Variants in SMG6 observed in about 807,000 individuals in gnomAD.
SMG6 encodes the protein telomerase-binding protein EST1A.
A neutral mutation model predicts 142.2 loss-of-function variants in SMG6; 66 were observed. That is an observed-to-expected ratio of 0.46 (90% CI 0.38 to 0.57). SMG6 has a LOEUF of 0.57. SMG6 is among the 20% of genes least tolerant of loss of function. The pLI is 0.00. For missense variants in SMG6, 1,793 were observed against 1,832.0 expected, an observed-to-expected ratio of 0.98 and a Z score of 0.39; for synonymous variants, 779 against 702.4, an observed-to-expected ratio of 1.11 and a Z score of -1.72.
intron 12 of SMG6, among the ~76,000 whole-genome samples, chr17:2,185,458 A>G (rs1317813471): frequency 1.3e-5 from 2 of 152,196 alleles, no homozygotes; most frequent in African/African-American, 4.8e-5. Flanking sequence ...GAACTTAGAA[A>G]TAGTTAAGAT....
At chr17:2,241,751 C>T (rs1008726355) in intron 9 of SMG6, among the ~76,000 whole-genome samples, 11 of 152,084 alleles carry the variant, frequency 7.2e-5, no homozygotes, top group African/African-American at 2.2e-4. Flanking sequence ...AAATATGTGT[C>T]AAAATATAAG....
intron 13 of SMG6, among the ~76,000 whole-genome samples, chr17:2,129,356 C>T (rs1023752388): frequency 6.6e-6 from 1 of 151,888 alleles, no homozygotes; most frequent in Non-Finnish European, 1.5e-5. Context: ...CCCATATAAA[C>T]AGGTTAAAAA....
rs2074792366 is a variant in SMG6 at position 2,281,795 on chromosome 17, G to T, written c.2661+852C>A. Among the ~76,000 whole-genome samples the T allele has an allele frequency of 3.3e-5, 5 of 152,200 alleles. No homozygotes were observed. The South Asian group carries it at 1.0e-3, about 32-fold the overall frequency. ...ACTGGGTGAATTTTACCCTTAAGGCGCAACGAACCAGCCACTGCAGTTTTC... is the reference window on the plus strand; with the variant it reads ...ACTGGGTGAATTTTACCCTTAAGGCTCAACGAACCAGCCACTGCAGTTTTC... On this transcript the variant is annotated intron_variant, in intron 8 of 18. Coordinates refer to ENST00000263073, the MANE Select transcript of SMG6 (RefSeq NM_017575.5).
intron 2 of SMG6, 128 bp downstream of exon 2, chr17:2,298,778 C>G (rs1400884972): frequency 1.2e-6 from 1 of 848,124 alleles, no homozygotes; most frequent in East Asian, 2.5e-5. Flanking sequence ...CTGCCCTTCC[C>G]TTACAACGTG....
intron 6 of SMG6, among the ~76,000 whole-genome samples, chr17:2,291,323 T>A (rs1313392480): frequency 6.8e-6 from 1 of 147,696 alleles, no homozygotes; most frequent in Non-Finnish European, 1.5e-5. Context: ...AGAGCGAGAC[T>A]CCGTCTCAGA....
intron 10 of SMG6, chr17:2,232,562 T>C (rs768078945): frequency 7.2e-5 from 11 of 152,248 alleles, no homozygotes; most frequent in Non-Finnish European, 1.5e-4. Flanking sequence ...CCAGGCCCTA[T>C]GCCAAGGCCC....
rs575377599 is a variant in SMG6 at position 2,255,321 on chromosome 17, G to A, written c.2662-10602C>T. ...CGGGAGGCTGAGGCAGGAGAATGGC[G>A]TGAACCCGGGAGGCGGAGCTTGCAG... On this transcript the variant is annotated intron_variant, in intron 8 of 18. Transcript: ENST00000263073. Among the ~76,000 whole-genome samples the A allele has an allele frequency of 3.7e-3, 527 of 144,258 alleles. 2 individuals carry two copies. The highest frequency in any genetic ancestry group is 0.012 in the African/African-American group (478 of 39,620). 94.6% of individuals were successfully genotyped at this position (144,258 alleles called of 152,430 possible).
chr17:2,176,043 A>G (rs2071644340), intron 12 of SMG6, among the ~76,000 whole-genome samples: 1 of 152,216 alleles, frequency 6.6e-6, no homozygotes, highest in South Asian at 2.1e-4. Flanking sequence ...TCAAAGGAAG[A>G]GGTGCTTTGA....
At chr17:2,191,332 CCCA>C (rs2072155545) in intron 10 of SMG6, among the ~76,000 whole-genome samples, 1 of 152,148 alleles carries the variant, frequency 6.6e-6, no homozygotes, top group Admixed American at 6.5e-5. Flanking sequence ...CATCTAGATT[CCCA>C]GAGTCCACCC....
chr17:2,271,942 C>G (rs1030188148), intron 8 of SMG6, among the ~76,000 whole-genome samples: 2 of 152,116 alleles, frequency 1.3e-5, no homozygotes, highest in African/African-American at 2.4e-5. Context: ...CAATCTCCAC[C>G]CTACCAAATT....
intron 8 of SMG6, among the ~76,000 whole-genome samples, chr17:2,261,245 C>T (rs1381710140): frequency 1.3e-5 from 2 of 151,296 alleles, no homozygotes; most frequent in Non-Finnish European, 2.9e-5. Context: ...ACCCGGGAGG[C>T]GGAGCTTGCA....
At chr17:2,283,764 C>A in intron 6 of SMG6, 29 bp from the exon 7 acceptor site, 2 of 1,574,576 alleles carry the variant, frequency 1.3e-6, no homozygotes, top group South Asian at 2.2e-5. Context: ...GACATTCAGT[C>A]AACCAATTCT....
intron 13 of SMG6, among the ~76,000 whole-genome samples, chr17:2,091,928 C>T (rs1456995603): frequency 2.0e-5 from 3 of 151,732 alleles, no homozygotes; most frequent in Admixed American, 1.3e-4. Context: ...GTGATCCGCC[C>T]GCCTTGGCCA....
At chr17:2,083,380 C>T (rs556399933) in intron 14 of SMG6, among the ~76,000 whole-genome samples, 4 of 152,248 alleles carry the variant, frequency 2.6e-5, no homozygotes, top group Middle Eastern at 3.4e-3. Flanking sequence ...GATCCCTAAG[C>T]GACTAAACTG....
At chr17:2,202,967 C>T (rs377626590) in intron 10 of SMG6, among the ~76,000 whole-genome samples, 1 of 152,146 alleles carries the variant, frequency 6.6e-6, no homozygotes, top group African/African-American at 2.4e-5. Context: ...CAGAGGACAC[C>T]CTGGCTTTCC....
chr17:2,301,163 G>A (rs1461022531), intron 1 of SMG6, among the ~76,000 whole-genome samples: 4 of 151,934 alleles, frequency 2.6e-5, no homozygotes, highest in African/African-American at 9.7e-5. Flanking sequence ...AAGGAGGGAG[G>A]GTATTATAAC....
At chr17:2,163,092 G>C (rs2071231188) in intron 13 of SMG6, among the ~76,000 whole-genome samples, 1 of 151,642 alleles carries the variant, frequency 6.6e-6, no homozygotes, top group Non-Finnish European at 1.5e-5. Context: ...TCAGCCTCCT[G>C]AAGTACTGGC....
Position 2,136,654 on chromosome 17 carries a change from T to A in SMG6, c.3357+36004A>T, listed in dbSNP as rs539604389. ...GAAAACTTTACTGAATACACCAAAA[T>A]AGCTGGATTCATGGAATTCACCAAA... On this transcript the variant is annotated intron_variant, in intron 13 of 18. Transcript: ENST00000263073. Among the ~76,000 whole-genome samples the A allele has an allele frequency of 2.0e-5, 3 of 151,536 alleles. No individual in the cohort carries two copies. In the South Asian group the frequency reaches 6.3e-4, roughly 32 times the overall value.
chr17:2,150,378 G>C (rs1308114087), intron 13 of SMG6, among the ~76,000 whole-genome samples: 2 of 152,240 alleles, frequency 1.3e-5, no homozygotes, highest in Admixed American at 6.5e-5. Flanking sequence ...CCGGTCTAGA[G>C]TATCAAGGGC....
Sources: allele counts gnomAD v4.1 joint callset (sites outside exome capture counted in the v4.1 genomes callset), GRCh38; gene constraint gnomAD v4.1.1; transcripts MANE v1.5; gene names NCBI Gene and HGNC (gene_info 2026-07-23, HGNC 2026-07-21).